GRIP1: variants seen among roughly 807,000 people sequenced by gnomAD.
The protein encoded by GRIP1 is glutamate receptor interacting protein 1, also known as glutamate receptor-interacting protein 1.
Under a neutral mutation model 129.9 loss-of-function variants are expected in GRIP1, and 45 were observed. That is an observed-to-expected ratio of 0.35 (90% CI 0.27 to 0.44). GRIP1 has a LOEUF of 0.44. GRIP1 is among the 20% of genes least tolerant of loss of function. GRIP1 has a pLI of 1.00. For missense variants in GRIP1, 1,196 were observed against 1,396.8 expected (o/e 0.86, Z 2.29); for synonymous variants, 530 against 520.8 (o/e 1.02, Z -0.24).
At chr12:66,626,340 C>CAAAAA (rs112364955) in intron 1 of GRIP1, among the ~76,000 whole-genome samples, 43 of 141,148 alleles carry the variant, frequency 3.0e-4, no homozygotes, top group African/African-American at 4.7e-4. Flanking sequence ...ACCCCATCTC[C>CAAAAA]AAAAAAAAAA....
At chr12:66,957,479 G>C (rs2041860139) in intron 1 of GRIP1, among the ~76,000 whole-genome samples, 1 of 151,158 alleles carries the variant, frequency 6.6e-6, no homozygotes, top group East Asian at 1.9e-4. Context: ...TTTACACTCT[G>C]TACTTAGTCA....
At chr12:67,021,893 G>A (rs1446940901) in intron 1 of GRIP1, among the ~76,000 whole-genome samples, 1 of 152,118 alleles carries the variant, frequency 6.6e-6, no homozygotes, top group Non-Finnish European at 1.5e-5. Flanking sequence ...ATATGAGTGA[G>A]AACATGCTGT....
intron 1 of GRIP1, among the ~76,000 whole-genome samples, chr12:67,043,946 T>TG (rs2043216274): frequency 2.6e-5 from 4 of 152,008 alleles, no homozygotes; most frequent in Non-Finnish European, 5.9e-5. Context: ...TTGGAGGAAA[T>TG]CCAAAGGCAT....
chr12:66,463,204 G>T (rs2307125), intron 8 of GRIP1, 111 bp from the exon 9 acceptor site: 19 of 597,434 alleles, frequency 3.2e-5, no homozygotes, highest in Non-Finnish European at 4.8e-5. Flanking sequence ...TAAAATAAAA[G>T]AAAAGAAAAG....
At chr12:66,876,604 T>C (rs1033572533) in intron 1 of GRIP1, among the ~76,000 whole-genome samples, 7 of 152,086 alleles carry the variant, frequency 4.6e-5, no homozygotes, top group Admixed American at 2.0e-4. Context: ...GCTGCATGAA[T>C]CTTAACTAGT....
At chr12:66,710,569 T>C (rs1404075908) in intron 1 of GRIP1, among the ~76,000 whole-genome samples, 1 of 151,982 alleles carries the variant, frequency 6.6e-6, no homozygotes. Context: ...ATTAACAAAA[T>C]GCAGGAAACC....
At chr12:66,531,306 C>CAT (rs2061457060) in intron 4 of GRIP1, among the ~76,000 whole-genome samples, 1 of 73,968 alleles carries the variant, frequency 1.4e-5, no homozygotes. Flanking sequence ...TATATATACA[C>CAT]ACACACACAC....
chr12:66,478,792 C>T (rs2059705177), intron 7 of GRIP1, among the ~76,000 whole-genome samples: 1 of 152,106 alleles, frequency 6.6e-6, no homozygotes, highest in Non-Finnish European at 1.5e-5. Flanking sequence ...AAAAACCAAA[C>T]ACTGCATGTT....
At chr12:66,583,793 C>A (rs1305212949) in intron 2 of GRIP1, among the ~76,000 whole-genome samples, 1 of 134,712 alleles carries the variant, frequency 7.4e-6, no homozygotes, top group Admixed American at 7.7e-5. Flanking sequence ...AATAGGAACA[C>A]TTTTACACTG....
chr12:66,700,502 C>T (rs1388313970), intron 1 of GRIP1, among the ~76,000 whole-genome samples: 2 of 151,048 alleles, frequency 1.3e-5, no homozygotes, highest in Non-Finnish European at 2.9e-5. Context: ...AGTGGCTAGT[C>T]ACAGGCATCA....
intron 1 of GRIP1, among the ~76,000 whole-genome samples, chr12:66,738,988 T>C (rs914321572): frequency 6.6e-6 from 1 of 152,194 alleles, no homozygotes; most frequent in Admixed American, 6.5e-5. Context: ...CTTTGATCCT[T>C]GACTTGGAGA....
intron 1 of GRIP1, among the ~76,000 whole-genome samples, chr12:66,973,659 T>C (rs1210685885): frequency 1.3e-5 from 2 of 152,074 alleles, no homozygotes; most frequent in Non-Finnish European, 2.9e-5. Flanking sequence ...TTACCTCAAA[T>C]GGTAATTCAT....
intron 1 of GRIP1, among the ~76,000 whole-genome samples, chr12:66,612,548 G>C (rs1421917019): frequency 6.6e-6 from 1 of 151,950 alleles, no homozygotes; most frequent in Non-Finnish European, 1.5e-5. Flanking sequence ...GTGGTGGGAG[G>C]ATCACTTGAG....
At chr12:66,846,363 A>C (rs1290162640) in intron 1 of GRIP1, among the ~76,000 whole-genome samples, 11 of 152,202 alleles carry the variant, frequency 7.2e-5, no homozygotes, top group Admixed American at 6.5e-4. Flanking sequence ...GGACCCTTTT[A>C]GACAAGCTAG....
intron 1 of GRIP1, among the ~76,000 whole-genome samples, chr12:66,976,054 C>T (rs2042146891): frequency 6.6e-6 from 1 of 152,172 alleles, no homozygotes; most frequent in South Asian, 2.1e-4. Flanking sequence ...TAAAAGAACT[C>T]TCTCCCTTCC....
intron 1 of GRIP1, among the ~76,000 whole-genome samples, chr12:66,657,676 G>A (rs969860081): frequency 1.3e-5 from 2 of 152,204 alleles, no homozygotes; most frequent in Admixed American, 6.5e-5. Context: ...CTTATCCCAT[G>A]TTTGTATGAA....
At position 66,378,490 on chromosome 12, in the gene GRIP1, G is replaced by A. The variant is rs190339160; in HGVS notation, c.2621+790C>T. Among the ~76,000 whole-genome samples the A allele has an allele frequency of 1.3e-3, 199 of 151,934 alleles. 2 individuals are homozygous for A. Among genetic ancestry groups the A allele is most frequent in the Non-Finnish European group, 2.3e-3 (155 of 67,986 alleles). On this transcript the variant is annotated intron_variant, in intron 20 of 24. Transcript: ENST00000359742. Reference sequence around the variant, plus strand: ...AGGCTGGGCACGGTGGCTCACACCTGTAATCCCAGCACTTTGGGAAGCTGA... The same window carrying A: ...AGGCTGGGCACGGTGGCTCACACCTATAATCCCAGCACTTTGGGAAGCTGA...
intron 1 of GRIP1, among the ~76,000 whole-genome samples, chr12:66,900,831 G>T (rs995340625): frequency 6.6e-6 from 1 of 152,200 alleles, no homozygotes; most frequent in Non-Finnish European, 1.5e-5. Context: ...TTGCCAACTG[G>T]AAAAACATCA....
At chr12:66,871,221 G>C (rs749869201) in intron 1 of GRIP1, among the ~76,000 whole-genome samples, 1 of 152,064 alleles carries the variant, frequency 6.6e-6, no homozygotes, top group Admixed American at 6.6e-5. Flanking sequence ...GCAATGCTGC[G>C]ATTTTCTTGC....
Sources: allele counts gnomAD v4.1 joint callset (sites outside exome capture counted in the v4.1 genomes callset), GRCh38; gene constraint gnomAD v4.1.1; transcripts MANE v1.5; gene names NCBI Gene and HGNC (gene_info 2026-07-23, HGNC 2026-07-21).